Variants in DIPK1A observed in about 807,000 individuals in gnomAD.
The protein encoded by DIPK1A is family with sequence similarity 69 member A.
A neutral mutation model predicts 40.8 loss-of-function variants in DIPK1A; 27 were observed. The ratio of observed to expected loss-of-function variants is 0.66; its 90% confidence interval spans 0.49 to 0.91. The LOEUF (loss-of-function observed/expected upper bound fraction) is 0.91. Among genes scored for constraint, DIPK1A ranks in the 40% least tolerant of loss-of-function variants. DIPK1A has a pLI of 0.00. For synonymous variants in DIPK1A, 166 were observed against 171.3 expected (o/e 0.97, Z 0.24); for missense variants, 412 against 505.7 (o/e 0.81, Z 1.78).
intron 2 of DIPK1A, among the ~76,000 whole-genome samples, chr1:92,853,979 C>T (rs1687904863): frequency 6.6e-6 from 1 of 152,182 alleles, no homozygotes; most frequent in Admixed American, 6.5e-5. Flanking sequence ...CTCGATCTCC[C>T]AGGCTCAAGT....
chr1:92,958,831 G>A (rs1464058357), intron 1 of DIPK1A, among the ~76,000 whole-genome samples: 1 of 152,132 alleles, frequency 6.6e-6, no homozygotes, highest in African/African-American at 2.4e-5. Flanking sequence ...AGTAATCTCA[G>A]GTTGATGCAT....
chr1:92,840,563 T>C (rs2100696942), downstream of DIPK1A: 2 of 1,612,838 alleles, frequency 1.2e-6, no homozygotes, highest in Non-Finnish European at 1.7e-6. Flanking sequence ...GGAGGAGATG[T>C]ATAAGAAAGC....
At chr1:92,949,431 C>T (rs952735096) in intron 1 of DIPK1A, among the ~76,000 whole-genome samples, 9 of 152,028 alleles carry the variant, frequency 5.9e-5, no homozygotes, top group Non-Finnish European at 1.3e-4. Flanking sequence ...CCCACCACCA[C>T]ACCTAGCTAA....
intron 2 of DIPK1A, among the ~76,000 whole-genome samples, chr1:92,864,995 T>C (rs931647601): frequency 2.9e-5 from 4 of 139,876 alleles, no homozygotes; most frequent in African/African-American, 8.0e-5. Flanking sequence ...TGAGCTGAGA[T>C]TGCGCCACTG....
Position 92,843,173 on chromosome 1 carries a change from A to G in DIPK1A, c.*210T>C. 3 of 1,321,128 alleles carry G rather than the reference A, an allele frequency of 2.3e-6. No homozygotes were observed. The highest frequency in any genetic ancestry group is 9.7e-7 in the Non-Finnish European group (1 of 1,032,194). 81.8% of individuals were successfully genotyped at this position (1,321,128 alleles called of 1,614,324 possible). A position where few individuals can be genotyped will look rare whatever the true frequency, so the allele number is the denominator to read the frequency against. ...AATGAATGTACTTCGGAGATGTAACAGGGCTTCTAAAAGGGCAGGAATGAC... is the reference window on the plus strand; with the variant it reads ...AATGAATGTACTTCGGAGATGTAACGGGGCTTCTAAAAGGGCAGGAATGAC... On this transcript the variant is annotated 3_prime_UTR_variant, in exon 5 of 5. Transcript: ENST00000370310.
chr1:92,926,520 G>A (rs1044835902), intron 1 of DIPK1A, among the ~76,000 whole-genome samples: 2 of 152,008 alleles, frequency 1.3e-5, no homozygotes, highest in Non-Finnish European at 2.9e-5. Context: ...ATATTAACTG[G>A]GGCAAGCTGG....
chr1:92,900,387 G>C (rs1649358459), intron 1 of DIPK1A, among the ~76,000 whole-genome samples: 1 of 151,698 alleles, frequency 6.6e-6, no homozygotes, highest in Non-Finnish European at 1.5e-5. Context: ...GATCAAGACT[G>C]GTGTTGAAAC....
chr1:92,883,354 C>T (rs148670424), intron 1 of DIPK1A, among the ~76,000 whole-genome samples: 79 of 152,254 alleles, frequency 5.2e-4, no homozygotes, highest in African/African-American at 1.7e-3. Context: ...CTTCAACATC[C>T]CAGTGCAGAA....
rs1416243058 is a variant in DIPK1A, at chr1:92,897,515, C to T, written c.55-21085G>A. On this transcript the variant is annotated intron_variant, in intron 1 of 4. Transcript: ENST00000370310. ...ACACCGGGGCCTGTTGTGGGGTGGG[C>T]GGAGGGGGGAGGGATAGCATTAGGA... Among the ~76,000 whole-genome samples, 10 of 143,818 alleles carry T rather than the reference C, an allele frequency of 7.0e-5. No homozygotes were observed. The East Asian group carries it at 8.4e-4, about 12-fold the overall frequency. The allele number at this position is 143,818 out of a possible 152,430, so 94.4% of individuals were successfully genotyped here.
At chr1:92,936,971 A>G (rs1650970450) in intron 1 of DIPK1A, among the ~76,000 whole-genome samples, 1 of 152,226 alleles carries the variant, frequency 6.6e-6, no homozygotes, top group Non-Finnish European at 1.5e-5. Flanking sequence ...GAAATCCAAA[A>G]AGCATAAACA....
chr1:92,836,447 A>T (rs1687131294), intron 4 of DIPK1A: 1 of 1,497,824 alleles, frequency 6.7e-7, no homozygotes, highest in Non-Finnish European at 9.3e-7. Flanking sequence ...CCCTGTTTTT[A>T]ACTAGTTGGA....
chr1:92,904,696 T>G (rs929461135), intron 1 of DIPK1A, among the ~76,000 whole-genome samples: 15 of 152,116 alleles, frequency 9.9e-5, no homozygotes, highest in Admixed American at 7.9e-4. Flanking sequence ...TATTTTTAAA[T>G]GTACAATAAA....
intron 4 of DIPK1A, among the ~76,000 whole-genome samples, chr1:92,846,806 T>C (rs1239505202): frequency 0.012 from 27 of 2,276 alleles, 1 homozygote; most frequent in African/African-American, 0.098. Flanking sequence ...TATATATATA[T>C]ATATATATAT....
intron 1 of DIPK1A, among the ~76,000 whole-genome samples, chr1:92,905,284 G>C (rs1192016401): frequency 2.0e-5 from 3 of 152,018 alleles, no homozygotes; most frequent in African/African-American, 7.2e-5. Flanking sequence ...ACATACAAGG[G>C]TTCCTTTTTA....
chr1:92,894,132 T>C (rs1324357172), intron 1 of DIPK1A, among the ~76,000 whole-genome samples: 1 of 152,154 alleles, frequency 6.6e-6, no homozygotes, highest in African/African-American at 2.4e-5. Flanking sequence ...GGAATTGAAC[T>C]CAGCTCTGCA....
At chr1:92,935,654 CA>C (rs905846545) in intron 1 of DIPK1A, among the ~76,000 whole-genome samples, 2 of 151,810 alleles carry the variant, frequency 1.3e-5, no homozygotes, top group African/African-American at 4.8e-5. Flanking sequence ...TTAGTTTTAT[CA>C]TTTAAAATAC....
chr1:92,841,664 T>A (rs191899046), downstream of DIPK1A: 13 of 714,374 alleles, frequency 1.8e-5, no homozygotes, highest in Middle Eastern at 4.5e-4. Context: ...TTGCAAAGTC[T>A]TAAATATTCT....
At chr1:92,877,855 G>T (rs1015760979) in intron 1 of DIPK1A, among the ~76,000 whole-genome samples, 3 of 152,210 alleles carry the variant, frequency 2.0e-5, no homozygotes, top group Non-Finnish European at 4.4e-5. Flanking sequence ...AAATCGACAT[G>T]TACTAATATT....
rs1491312381 is a variant in DIPK1A at position 92,861,308 on chromosome 1, ATT to A, written c.190-10355_190-10354del. On this transcript the variant is annotated intron_variant, in intron 2 of 4. Transcript: ENST00000370310. Reference sequence around the variant, plus strand: ...ATAATCATATATTAATAGCTTTTCTATTCTCTCTCTCTCTTTTTTTTTTTTTT... The same window carrying A: ...ATAATCATATATTAATAGCTTTTCTACTCTCTCTCTCTTTTTTTTTTTTTT... Among the ~76,000 whole-genome samples, 1,067 of 114,838 alleles carry A rather than the reference ATT, an allele frequency of 9.3e-3. 20 individuals are homozygous for A. The highest frequency in any genetic ancestry group is 0.032 in the African/African-American group (1,007 of 31,072). The allele number at this position is 114,838 out of a possible 152,430, so 75.3% of individuals were successfully genotyped here.
Sources: allele counts gnomAD v4.1 joint callset (sites outside exome capture counted in the v4.1 genomes callset), GRCh38; gene constraint gnomAD v4.1.1; transcripts MANE v1.5; gene names NCBI Gene and HGNC (gene_info 2026-07-23, HGNC 2026-07-21).